A2M: variants seen among roughly 807,000 people sequenced by gnomAD.
A2M encodes the protein C3 and PZP-like alpha-2-macroglobulin domain-containing protein 5.
In A2M, 128 loss-of-function variants were observed where a neutral mutation model predicts 183.9. That is an observed-to-expected ratio of 0.70 (90% CI 0.60 to 0.81). The LOEUF (loss-of-function observed/expected upper bound fraction) is 0.81, where lower values mean the gene tolerates loss of function less well. Ranked by LOEUF, A2M falls within the 30% of genes least tolerant of loss-of-function variation. The pLI is 0.00. For missense variants in A2M, 1,495 were observed against 1,787.6 expected, an observed-to-expected ratio of 0.84 and a Z score of 2.95; for synonymous variants, 592 against 670.8, an observed-to-expected ratio of 0.88 and a Z score of 1.81.
rs138123830 is a variant in A2M at position 9,103,486 on chromosome 12, A to G, written c.1266+753T>C. Among the ~76,000 whole-genome samples, 445 of 152,306 alleles carry G rather than the reference A, an allele frequency of 2.9e-3. 2 individuals carry two copies. Among genetic ancestry groups the G allele is most frequent in the African/African-American group, 0.01 (420 of 41,564 alleles). On this transcript the variant is annotated intron_variant, in intron 11 of 35. Transcript: ENST00000318602. The stretch of plus-strand genomic sequence containing the variant: ...TTTAGTGTACAGTTTGGTAGTATTA[A>G]GTATATCTGTTGTGCAACAGATCTC...
rs377660663 is a variant in A2M at position 9,097,361 on chromosome 12, T to G, written c.1851+1246A>C. 3.3e-5 allele frequency among the ~76,000 whole-genome samples: 5 copies of G among 152,164 alleles called. No homozygotes were observed. In the East Asian group the frequency reaches 5.8e-4, roughly 18 times the overall value. On this transcript the variant is annotated intron_variant, in intron 15 of 35. Transcript: ENST00000318602. ...ATTATGGTAGTAGAAAAAGCTTCAG[T>G]AAGAGGTTATTACAATTGGTCTCAT...
chr12:9,084,892 A>G (rs1047668440), intron 22 of A2M, among the ~76,000 whole-genome samples: 6 of 152,106 alleles, frequency 3.9e-5, no homozygotes, highest in African/African-American at 1.4e-4. Context: ...ACTTATATTC[A>G]ACAAAACAGA....
At chr12:9,076,182 A>T (rs1351254727) in intron 28 of A2M, among the ~76,000 whole-genome samples, 1 of 152,214 alleles carries the variant, frequency 6.6e-6, no homozygotes, top group Non-Finnish European at 1.5e-5. Flanking sequence ...AGGTTATATA[A>T]TGTACCAGGT....
At chr12:9,075,355 T>C (rs1035619800) in intron 28 of A2M, among the ~76,000 whole-genome samples, 13 of 152,352 alleles carry the variant, frequency 8.5e-5, no homozygotes, top group African/African-American at 3.1e-4. Flanking sequence ...TCAGTCATTA[T>C]GCTTCTCAAA....
chr12:9,069,908 G>A, intron 32 of A2M, 95 bp from the exon 33 acceptor site: 1 of 1,031,088 alleles, frequency 9.7e-7, no homozygotes, highest in Admixed American at 1.9e-5. Context: ...ATAACCCTGA[G>A]GGTAGAATTC....
In A2M at chr12:9,089,213, T is replaced by TAGGG. The variant is rs1288464255; in HGVS notation, c.2753_2756dup (p.Leu920ProfsTer8). On this transcript the variant is annotated frameshift_variant, in exon 22 of 36. Transcript: ENST00000318602. LOFTEE classifies it high-confidence loss of function. ...GTTGACTCTTACCTGATGGACAAAG[T>TAGGG]AGGGAGTTGAATGTTGTTTCCTTCT... 6.3e-7 allele frequency: 1 copy of TAGGG among 1,589,402 alleles called. No homozygotes were observed. Among genetic ancestry groups the TAGGG allele is most frequent in the Admixed American group, 1.8e-5 (1 of 56,906 alleles).
rs1204428116 is a variant in A2M at position 9,077,376 on chromosome 12, G to A, written c.3321C>T (p.Ile1107=). The change falls in exon 27 of 36, where the codon ATC becomes ATT. Residue 1107 remains isoleucine, a synonymous_variant. Transcript: ENST00000318602. ...DEVTLSAYIT[I]ALLEIPLTVT... ...CTGTGAGAGGAATCTCCAGAAGGGC[G>A]ATGGTGATATAGGCGGAGAGGGTCA... 5 of 1,613,518 alleles carry A rather than the reference G, an allele frequency of 3.1e-6. No homozygotes were observed. The highest frequency in any genetic ancestry group is 1.6e-4 in the Middle Eastern group (1 of 6,084).
In A2M at chr12:9,079,303, G is replaced by A. The variant is rs773926071; in HGVS notation, c.3060C>T (p.His1020=). Residue 1020 remains histidine, a synonymous_variant, in exon 25 of 36, where the codon CAC becomes CAT. Transcript: ENST00000318602. ...TGYQRQLNYK[H]YDGSYSTFGE... Reference sequence around the variant, plus strand: ...CAAAGGTGCTGTAGGAGCCATCATAGTGTTTGTAGTTCAACTGTCTCTGGT... The same window carrying A: ...CAAAGGTGCTGTAGGAGCCATCATAATGTTTGTAGTTCAACTGTCTCTGGT... The A allele has an allele frequency of 1.4e-5, 23 of 1,613,738 alleles. No homozygotes were observed. The highest frequency in any genetic ancestry group is 1.9e-5 in the Non-Finnish European group (23 of 1,179,788).
rs752166901 is a variant in A2M, at chr12:9,088,092, AAAAC to A, written c.2770+1104_2770+1107del. Among the ~76,000 whole-genome samples, 71 of 152,240 alleles carry A rather than the reference AAAAC, an allele frequency of 4.7e-4. No homozygotes were observed. The Middle Eastern group carries it at 0.014, about 29-fold the overall frequency. ...ATCTCCAAGACAGGATGCTGAGTGAAAAACAAACAGTGATTTATAGAATGAAACT... is the reference window on the plus strand; with the variant it reads ...ATCTCCAAGACAGGATGCTGAGTGAAAAACAGTGATTTATAGAATGAAACT... On this transcript the variant is annotated intron_variant, in intron 22 of 35. Transcript: ENST00000318602.
intron 10 of A2M, 60 bp from the exon 11 acceptor site, chr12:9,104,460 T>C: frequency 2.0e-6 from 3 of 1,504,658 alleles, no homozygotes; most frequent in Non-Finnish European, 2.7e-6. Flanking sequence ...ACCAAACATA[T>C]TCATTTATCA....
intron 33 of A2M, chr12:9,069,081 G>C (rs1485617930): frequency 1.4e-5 from 5 of 345,684 alleles, no homozygotes; most frequent in Non-Finnish European, 2.6e-5. Context: ...CTCTGTTCAT[G>C]GGGGTAAATG....
chr12:9,075,218 C>T (rs1948709277), intron 28 of A2M, among the ~76,000 whole-genome samples: 1 of 151,906 alleles, frequency 6.6e-6, no homozygotes, highest in Non-Finnish European at 1.5e-5. Context: ...AAAAAAAATA[C>T]AGTAATCCTT....
chr12:9,112,317 C>G lies in A2M; in HGVS notation c.430+60G>C, dbSNP rs1260349621. On this transcript the variant is annotated intron_variant, in intron 3 of 35. Transcript: ENST00000318602. The stretch of plus-strand genomic sequence containing the variant: ...GATTATAGGAACTTTGCCTGGGGAA[C>G]ATCCAGGGGAAGAAGATCTTTCCTT... 1.9e-6 allele frequency: 3 copies of G among 1,596,776 alleles called. No homozygotes were observed. In the Admixed American group the frequency reaches 5.0e-5, roughly 27 times the overall value.
intron 29 of A2M, 47 bp downstream of exon 29, chr12:9,074,513 C>G (rs1228961907): frequency 6.6e-7 from 1 of 1,513,906 alleles, no homozygotes; most frequent in African/African-American, 1.4e-5. Context: ...TCATTCAAAT[C>G]TTTTGCTACC....
In A2M at chr12:9,095,575, T is replaced by A. The variant is rs1399403794; in HGVS notation, c.1977A>T (p.Ser659=). The A allele has an allele frequency of 2.5e-6, 4 of 1,612,340 alleles. No homozygotes were observed. The highest frequency in any genetic ancestry group is 3.4e-6 in the Non-Finnish European group (4 of 1,178,642). Residue 659 remains serine (S), a synonymous_variant, in exon 16 of 36, where the codon TCA becomes TCT. Coordinates refer to ENST00000318602, the MANE Select transcript of A2M (RefSeq NM_000014.6). ...YINGITYTPV[S]STNEKDMYSF... ...TGTACATATCCTTTTCATTTGTACTTGATACTGGAGTATATGTGATTCCAT... is the reference window on the plus strand; with the variant it reads ...TGTACATATCCTTTTCATTTGTACTAGATACTGGAGTATATGTGATTCCAT...
At chr12:9,116,166 C>G (rs1402672103), upstream of A2M, 1 of 353,140 alleles carries the variant, frequency 2.8e-6, no homozygotes, top group African/African-American at 2.1e-5. Context: ...TCAACCTCTT[C>G]TCTCCCTCAC....
intron 32 of A2M, among the ~76,000 whole-genome samples, 154 bp downstream of exon 32, chr12:9,070,334 T>A (rs1441148177): frequency 6.6e-6 from 1 of 152,240 alleles, no homozygotes; most frequent in Non-Finnish European, 1.5e-5. Flanking sequence ...TCAGCATTCA[T>A]ACAAACACAT....
chr12:9,112,204 A>C lies in A2M; in HGVS notation c.438T>G (p.Phe146Leu). Residue 146 changes from phenylalanine (F) to leucine (L), a missense_variant, in exon 4 of 36, where the codon TTT (phenylalanine) becomes TTG (leucine). Transcript: ENST00000318602. ...AGTTTTCATCCATGGAGACAACACGAAATTTCACTGAAACAGAAATATTTT... is the reference window on the plus strand; with the variant it reads ...AGTTTTCATCCATGGAGACAACACGCAATTTCACTGAAACAGAAATATTTT... The part of the protein sequence containing the change: ...SIYKPGQTVK[F>L]RVVSMDENFH... 6.2e-7 allele frequency: 1 copy of C among 1,613,888 alleles called. No homozygotes were observed. The highest frequency in any genetic ancestry group is 1.1e-5 in the South Asian group (1 of 91,072).
chr12:9,112,243 A>T (rs768724840), intron 3 of A2M, 32 bp from the exon 4 acceptor site: 13 of 1,613,560 alleles, frequency 8.1e-6, no homozygotes, highest in Non-Finnish European at 1.1e-5. Context: ...TGAGCCCCCA[A>T]ACCCAAAGTA....
Sources: gnomAD v4.1 joint callset for allele counts (sites outside exome capture counted in the v4.1 genomes callset) on GRCh38, gnomAD v4.1.1 for gene constraint, MANE v1.5 for transcripts, NCBI Gene and HGNC (gene_info 2026-07-23, HGNC 2026-07-21) for gene names.